MSN: variants seen among roughly 807,000 people sequenced by gnomAD.
MSN encodes moesin.
MSN carries 2 observed loss-of-function variants against 48.0 expected under a neutral mutation model. The ratio of observed to expected loss-of-function variants is 0.04; its 90% confidence interval spans 0.02 to 0.13. The LOEUF (loss-of-function observed/expected upper bound fraction) is 0.13. Among genes scored for constraint, MSN ranks in the 10% least tolerant of loss-of-function variants. The pLI is 1.00. For synonymous variants in MSN, 146 were observed against 166.9 expected (o/e 0.87, Z 0.97); for missense variants, 267 against 470.1 (o/e 0.57, Z 3.99).
chrX:65,676,842 TG>T (rs925649473), intron 1 of MSN, among the ~76,000 whole-genome samples: 2 of 110,594 alleles, frequency 1.8e-5, no homozygotes, highest in Non-Finnish European at 3.8e-5. Flanking sequence ...CTTTTTTTTT[TG>T]AGACGGAGTC....
intron 1 of MSN, among the ~76,000 whole-genome samples, chrX:65,709,240 G>A (rs2071392483): frequency 8.9e-6 from 1 of 111,979 alleles, no homozygotes; most frequent in Non-Finnish European, 1.9e-5. Context: ...CCTCCATACT[G>A]TTGTCCACAG....
chrX:65,610,583 T>C (rs1237397668), intron 1 of MSN, among the ~76,000 whole-genome samples: 1 of 112,239 alleles, frequency 8.9e-6, no homozygotes, highest in Non-Finnish European at 1.9e-5. Flanking sequence ...CAGGTATCTG[T>C]TTGAATACCT....
chrX:65,616,848 A>G lies in MSN; in HGVS notation c.-22+28236A>G, dbSNP rs1321528096. On this transcript the variant is annotated intron_variant, in intron 1 of 3. Coordinates refer to the MSN transcript ENST00000609672. ...GTATGATATTGGCTGTGGGTTTGTC[A>G]TAGATAGCTCTTATTATTTTGAAAT... Among the ~76,000 whole-genome samples, 27 of 110,127 alleles carry G rather than the reference A, an allele frequency of 2.5e-4. No homozygotes were observed. The East Asian group carries it at 7.1e-3, about 29-fold the overall frequency.
chrX:65,708,836 T>C (rs967559631), intron 1 of MSN, among the ~76,000 whole-genome samples: 1 of 110,084 alleles, frequency 9.1e-6, no homozygotes, highest in Non-Finnish European at 1.9e-5. Context: ...GCACACGCCA[T>C]CACACCTGGC....
intron 1 of MSN, among the ~76,000 whole-genome samples, chrX:65,609,234 C>G (rs1017328945): frequency 9.3e-6 from 1 of 107,729 alleles, no homozygotes. Context: ...GCCAAGAACA[C>G]TCTATGCACC....
chrX:65,614,680 TTTTA>T (rs1179080630), intron 1 of MSN, among the ~76,000 whole-genome samples: 6 of 101,721 alleles, frequency 5.9e-5, no homozygotes, highest in East Asian at 2.9e-4. Context: ...TTTTTTTTTC[TTTTA>T]TTTATTTATT....
intron 2 of MSN, among the ~76,000 whole-genome samples, chrX:65,717,620 A>G (rs910388233): frequency 8.9e-6 from 1 of 112,398 alleles, no homozygotes; most frequent in Non-Finnish European, 1.9e-5. Flanking sequence ...GCAGCTACAG[A>G]CATTTTTAGC....
intron 1 of MSN, among the ~76,000 whole-genome samples, chrX:65,715,239 G>C (rs749944597): frequency 8.9e-6 from 1 of 111,871 alleles, no homozygotes; most frequent in South Asian, 3.7e-4. Context: ...AGTATCATTT[G>C]AAGTTGGGTA....
chrX:65,719,358 G>T (rs1360801216), intron 2 of MSN, among the ~76,000 whole-genome samples: 2 of 111,759 alleles, frequency 1.8e-5, no homozygotes, highest in East Asian at 5.6e-4. Flanking sequence ...TTTATCTCTG[G>T]CATTTATTTG....
intron 1 of MSN, among the ~76,000 whole-genome samples, chrX:65,692,831 C>G (rs762583353): frequency 1.1e-4 from 12 of 111,161 alleles, no homozygotes; most frequent in Non-Finnish European, 2.3e-4. Context: ...AGGCGCCCAC[C>G]ACCACTCCTA....
intron 1 of MSN, among the ~76,000 whole-genome samples, chrX:65,652,309 C>A (rs758436314): frequency 2.8e-4 from 31 of 111,424 alleles, no homozygotes; most frequent in Non-Finnish European, 5.8e-4. Context: ...ATCTCTATGG[C>A]AAGCATCATC....
At chrX:65,700,087 G>T (rs2071286962) in intron 1 of MSN, among the ~76,000 whole-genome samples, 1 of 112,129 alleles carries the variant, frequency 8.9e-6, no homozygotes, top group African/African-American at 3.2e-5. Flanking sequence ...GTGAGCCAGA[G>T]ACCCTGGAAG....
chrX:65,723,854 G>A (rs1408628376), intron 2 of MSN, among the ~76,000 whole-genome samples: 1 of 110,450 alleles, frequency 9.1e-6, no homozygotes, highest in Non-Finnish European at 1.9e-5. Flanking sequence ...TTTCCTTCCC[G>A]CCACGTCCTC....
At chrX:65,689,118 T>C (rs2071146096) in intron 1 of MSN, among the ~76,000 whole-genome samples, 1 of 111,764 alleles carries the variant, frequency 8.9e-6, no homozygotes, top group African/African-American at 3.3e-5. Context: ...CTGTTAGCTT[T>C]CCAGAGCAAT....
chrX:65,669,875 CT>C (rs1474450665), intron 1 of MSN, among the ~76,000 whole-genome samples: 1 of 110,695 alleles, frequency 9.0e-6, no homozygotes, highest in Non-Finnish European at 1.9e-5. Context: ...CTATTGAGAC[CT>C]ACAGGGAAAG....
At chrX:65,727,190 G>T (rs931406392) in intron 2 of MSN, among the ~76,000 whole-genome samples, 1 of 111,909 alleles carries the variant, frequency 8.9e-6, no homozygotes, top group African/African-American at 3.3e-5. Context: ...TCTTTATTTG[G>T]GGTATTGTAA....
intron 1 of MSN, among the ~76,000 whole-genome samples, chrX:65,674,456 C>T (rs752031369): frequency 9.0e-6 from 1 of 111,313 alleles, no homozygotes; most frequent in Admixed American, 9.6e-5. Context: ...AAGATGGGTA[C>T]AATGGAGTTC....
chrX:65,641,511 C>CA (rs1474276252), intron 1 of MSN, among the ~76,000 whole-genome samples: 1 of 74,365 alleles, frequency 1.3e-5, no homozygotes, highest in African/African-American at 5.2e-5. Flanking sequence ...GCCTGGGCAA[C>CA]AGAGTGAGAC....
chrX:65,696,981 G>A lies in MSN; in HGVS notation c.13-19837G>A, dbSNP rs750697223. Among the ~76,000 whole-genome samples the A allele has an allele frequency of 6.3e-5, 7 of 110,539 alleles. No individual in the cohort carries two copies. In the South Asian group the frequency reaches 1.6e-3, roughly 25 times the overall value. ...TCTGAACCTCTGCTTCCAGGAAGGC[G>A]GTCATACAAAAATGAAGGCTGTGAG... On this transcript the variant is annotated intron_variant, in intron 1 of 12. Coordinates refer to ENST00000360270, the MANE Select transcript of MSN (RefSeq NM_002444.3).
Sources: gnomAD v4.1 joint callset for allele counts (sites outside exome capture counted in the v4.1 genomes callset) on GRCh38, gnomAD v4.1.1 for gene constraint, MANE v1.5 for transcripts, NCBI Gene and HGNC (gene_info 2026-07-23, HGNC 2026-07-21) for gene names.